The following NDRG2 variants were observed in gnomAD, a reference collection of about 807,000 sequenced individuals.
The protein encoded by NDRG2 is protein NDRG2.
Under a neutral mutation model 58.2 loss-of-function variants are expected in NDRG2, and 34 were observed. The ratio of observed to expected loss-of-function variants is 0.58; its 90% CI spans 0.44 to 0.78. NDRG2 has a LOEUF of 0.78. Ranked by LOEUF, NDRG2 falls within the 30% of genes least tolerant of loss-of-function variation. NDRG2 has a pLI of 0.00. For synonymous variants in NDRG2, 187 were observed against 175.9 expected (o/e 1.06, Z -0.50); for missense variants, 434 against 471.2 (o/e 0.92, Z 0.73).
chr14:21,021,695 A>C, intron 6 of NDRG2, 122 bp downstream of exon 6: 6 of 1,057,108 alleles, frequency 5.7e-6, no homozygotes, highest in Non-Finnish European at 8.4e-6. Flanking sequence ...GCATGAAGGA[A>C]GAAGATATAT....
At chr14:21,030,803 A>G, upstream of NDRG2, 2 of 1,599,396 alleles carry the variant, frequency 1.3e-6, no homozygotes, top group Non-Finnish European at 1.7e-6. Flanking sequence ...CCTGCGAGGT[A>G]GTTGGCCACG....
At chr14:21,056,310 A>G (rs1417975549) in intron 1 of NDRG2, among the ~76,000 whole-genome samples, 9 of 152,202 alleles carry the variant, frequency 5.9e-5, no homozygotes, top group Non-Finnish European at 8.8e-5. Context: ...TATTATTTTA[A>G]TAATACGCTA....
chr14:21,033,645 G>T, intron 1 of NDRG2: 1 of 620,228 alleles, frequency 1.6e-6, no homozygotes, highest in South Asian at 1.9e-5. Flanking sequence ...CTAGAAGATA[G>T]CACCACTTTG....
At position 21,036,202 on chromosome 14, in the gene NDRG2, G is replaced by A. The variant is rs766686803; in HGVS notation, c.25-12881C>T. On this transcript the variant is annotated intron_variant, in intron 1 of 14. Coordinates refer to the NDRG2 transcript ENST00000403829. ...TATTTCTTCCTCAGTGGATGCTCTC[G>A]TCTCGCCTGGACAGCACACACACTC... The A allele has an allele frequency of 5.5e-5, 25 of 456,258 alleles. No individual in the cohort carries two copies. In the Middle Eastern group the frequency reaches 9.8e-4, roughly 18 times the overall value. 28.3% of individuals were successfully genotyped at this position (456,258 alleles called of 1,614,324 possible).
chr14:21,017,848 G>T, intron 15 of NDRG2, 86 bp from the exon 16 acceptor site: 1 of 1,603,368 alleles, frequency 6.2e-7, no homozygotes, highest in Non-Finnish European at 8.5e-7. Context: ...TTGGATTATG[G>T]ACTAGTTATA....
chr14:21,037,782 G>C (rs1032635342), intron 1 of NDRG2, among the ~76,000 whole-genome samples: 1 of 152,204 alleles, frequency 6.6e-6, no homozygotes, highest in African/African-American at 2.4e-5. Flanking sequence ...GATTCTACCA[G>C]AAAAATGTGT....
At chr14:21,018,320 C>G in intron 13 of NDRG2, 81 bp from the exon 14 acceptor site, 2 of 1,605,760 alleles carry the variant, frequency 1.2e-6, no homozygotes, top group Non-Finnish European at 1.7e-6. Flanking sequence ...TCTCTCTTCC[C>G]TAGCTTCTTC....
intron 4 of NDRG2, 46 bp downstream of exon 4, chr14:21,022,346 A>G (rs375723363): frequency 8.7e-5 from 138 of 1,585,930 alleles, no homozygotes; most frequent in Non-Finnish European, 1.3e-5. Flanking sequence ...CCCTTCCCCC[A>G]CAGCCTCTTC....
intron 1 of NDRG2, among the ~76,000 whole-genome samples, chr14:21,060,981 G>C (rs1456118035): frequency 6.6e-6 from 1 of 152,198 alleles, no homozygotes; most frequent in Non-Finnish European, 1.5e-5. Flanking sequence ...CCTTGGAGGG[G>C]GCCGTGATTT....
At chr14:21,069,077 G>T (rs1447021781) in intron 1 of NDRG2, among the ~76,000 whole-genome samples, 1 of 152,196 alleles carries the variant, frequency 6.6e-6, no homozygotes, top group African/African-American at 2.4e-5. Context: ...TCGGCTTTCC[G>T]ATCTCCTCTC....
chr14:21,062,442 C>T (rs1013108875), intron 1 of NDRG2, among the ~76,000 whole-genome samples: 4 of 152,092 alleles, frequency 2.6e-5, no homozygotes, highest in Admixed American at 6.6e-5. Flanking sequence ...CACTGTGCTG[C>T]CTTCAGTTGG....
chr14:21,032,946 T>G (rs774336342), intron 1 of NDRG2: 1 of 455,998 alleles, frequency 2.2e-6, no homozygotes. Context: ...TACTCAGATG[T>G]GGTTTTAGAA....
At chr14:21,022,680 G>T in intron 3 of NDRG2, 183 bp from the exon 4 acceptor site, 1 of 666,972 alleles carries the variant, frequency 1.5e-6, no homozygotes, top group Non-Finnish European at 2.6e-6. Context: ...GGATAAGAAA[G>T]AATAATGAAG....
At chr14:21,034,161 T>C (rs757467889) in intron 1 of NDRG2, 1 of 1,614,130 alleles carries the variant, frequency 6.2e-7, no homozygotes, top group Non-Finnish European at 8.5e-7. Flanking sequence ...CTTTGGGTAG[T>C]TAACCCTGGG....
At chr14:21,057,788 C>A in intron 1 of NDRG2, 1 of 955,942 alleles carries the variant, frequency 1.0e-6, no homozygotes, top group Non-Finnish European at 1.5e-6. Flanking sequence ...CCTGCAATAA[C>A]TGGCTTAGGG....
intron 1 of NDRG2, among the ~76,000 whole-genome samples, chr14:21,065,749 G>A (rs1023138417): frequency 6.6e-6 from 1 of 152,116 alleles, no homozygotes; most frequent in Non-Finnish European, 1.5e-5. Flanking sequence ...AAGGAAAGAA[G>A]AGCAAAAAGG....
At chr14:21,023,156 A>G (rs1340176148) in intron 2 of NDRG2, 85 bp downstream of exon 2, 5 of 1,159,310 alleles carry the variant, frequency 4.3e-6, no homozygotes, top group Non-Finnish European at 3.8e-6. Flanking sequence ...TTAGAATAAG[A>G]TCAGTACGCT....
At chr14:21,053,542 G>T (rs1239196344) in intron 1 of NDRG2, among the ~76,000 whole-genome samples, 2 of 152,000 alleles carry the variant, frequency 1.3e-5, no homozygotes, top group African/African-American at 4.8e-5. Context: ...CAGGAGAATC[G>T]CTTGAACCCA....
chr14:21,032,383 A>AC (rs747584408), intron 1 of NDRG2: 2 of 385,320 alleles, frequency 5.2e-6, no homozygotes, highest in Non-Finnish European at 9.8e-6. Context: ...ATGTGGAGGT[A>AC]AAAGTATCTA....
Sources: allele counts gnomAD v4.1 joint callset (sites outside exome capture counted in the v4.1 genomes callset), GRCh38; gene constraint gnomAD v4.1.1; transcripts MANE v1.5; gene names NCBI Gene and HGNC (gene_info 2026-07-23, HGNC 2026-07-21).